Variants in SETBP1 observed in about 807,000 individuals in gnomAD.
SETBP1 encodes the protein SET binding protein 1.
In SETBP1, 9 loss-of-function variants were observed where a neutral mutation model predicts 101.0. The ratio of observed to expected loss-of-function variants is 0.09; its 90% CI spans 0.05 to 0.16. The LOEUF (loss-of-function observed/expected upper bound fraction) is 0.16. Among genes scored for constraint, SETBP1 ranks in the 10% least tolerant of loss-of-function variants. The probability of loss-of-function intolerance (pLI) is 1.00; values close to 1 mark genes in which losing one functional copy is unlikely to be tolerated. For missense variants in SETBP1, 1,858 were observed against 2,033.8 expected (o/e 0.91, Z 1.66); for synonymous variants, 818 against 788.5 (o/e 1.04, Z -0.63).
At chr18:45,020,236 G>A (rs1448251411) in intron 4 of SETBP1, among the ~76,000 whole-genome samples, 2 of 125,168 alleles carry the variant, frequency 1.6e-5, no homozygotes, top group Non-Finnish European at 3.2e-5. Flanking sequence ...CTCTAGCCTG[G>A]TGACAGAGCA....
At chr18:44,725,594 T>C (rs1006809871) in intron 2 of SETBP1, among the ~76,000 whole-genome samples, 1 of 152,198 alleles carries the variant, frequency 6.6e-6, no homozygotes, top group African/African-American at 2.4e-5. Flanking sequence ...CCAGGACCTT[T>C]CCTGAATTAT....
chr18:44,805,428 GT>G (rs2071709233), intron 2 of SETBP1, among the ~76,000 whole-genome samples: 13 of 151,890 alleles, frequency 8.6e-5, no homozygotes, highest in Admixed American at 5.2e-4. Flanking sequence ...GTGTGTGTGT[GT>G]GTGTGGGTGT....
At chr18:44,703,580 G>C (rs1040343620) in intron 2 of SETBP1, among the ~76,000 whole-genome samples, 1 of 151,676 alleles carries the variant, frequency 6.6e-6, no homozygotes, top group Non-Finnish European at 1.5e-5. Context: ...AATCTGTCCT[G>C]GTTTCAAGAC....
intron 2 of SETBP1, among the ~76,000 whole-genome samples, chr18:44,860,863 C>A (rs2068991371): frequency 6.6e-6 from 1 of 152,174 alleles, no homozygotes. Context: ...GTTCAATCCA[C>A]TCCTAGTAGG....
rs565501269 is a variant in SETBP1, at chr18:45,067,664, C to T, written c.*3966C>T. 6.6e-6 allele frequency: 1 copy of T among 152,276 alleles called. No individual in the cohort carries two copies. The highest frequency in any genetic ancestry group is 2.1e-4 in the South Asian group (1 of 4,818). 9.4% of individuals were successfully genotyped at this position (152,276 alleles called of 1,614,324 possible). ...AAACTCGAACTGTAATATATCGTAG[C>T]ATTTTCTTGGTGTTTCTTAAAGTTT... On this transcript the variant is annotated 3_prime_UTR_variant, in exon 6 of 6. Transcript: ENST00000649279.
At chr18:44,923,334 A>C (rs2070624241) in intron 3 of SETBP1, among the ~76,000 whole-genome samples, 1 of 152,260 alleles carries the variant, frequency 6.6e-6, no homozygotes, top group African/African-American at 2.4e-5. Flanking sequence ...TGAGTATTCC[A>C]TAGGCAGGGG....
intron 2 of SETBP1, among the ~76,000 whole-genome samples, chr18:44,792,044 A>G (rs1218269302): frequency 3.3e-5 from 5 of 151,996 alleles, no homozygotes; most frequent in African/African-American, 1.2e-4. Context: ...CCTCTGCTCC[A>G]TTTTCTGTGA....
intron 4 of SETBP1, among the ~76,000 whole-genome samples, chr18:44,961,347 G>GA (rs1219396974): frequency 1.6e-4 from 25 of 152,240 alleles, no homozygotes; most frequent in African/African-American, 5.8e-4. Context: ...GAAGACAACA[G>GA]AAATGTTAAA....
chr18:44,928,267 T>C (rs1158350685), intron 3 of SETBP1, among the ~76,000 whole-genome samples: 3 of 152,254 alleles, frequency 2.0e-5, no homozygotes, highest in Non-Finnish European at 4.4e-5. Flanking sequence ...ACTCATTCTT[T>C]TTTATGGCTG....
intron 2 of SETBP1, among the ~76,000 whole-genome samples, chr18:44,812,715 A>G (rs1056136413): frequency 1.3e-5 from 2 of 152,142 alleles, no homozygotes; most frequent in Non-Finnish European, 2.9e-5. Context: ...GCTTCCTGCC[A>G]ACACCTTGAA....
At chr18:44,714,987 A>T (rs1181081326) in intron 2 of SETBP1, among the ~76,000 whole-genome samples, 2 of 151,770 alleles carry the variant, frequency 1.3e-5, no homozygotes, top group Non-Finnish European at 2.9e-5. Flanking sequence ...TGGGGAAAGG[A>T]CTCTGAGGGT....
At chr18:44,688,742 C>A (rs1265925160) in intron 1 of SETBP1, among the ~76,000 whole-genome samples, 1 of 152,080 alleles carries the variant, frequency 6.6e-6, no homozygotes, top group South Asian at 2.1e-4. Context: ...CATGAGCCAC[C>A]GCGCCTGGCC....
At chr18:44,820,039 G>A (rs1197655517) in intron 2 of SETBP1, among the ~76,000 whole-genome samples, 2 of 152,244 alleles carry the variant, frequency 1.3e-5, no homozygotes, top group African/African-American at 4.8e-5. Flanking sequence ...AGGCTTGCCT[G>A]TCCTGGCAGC....
At chr18:44,742,975 C>T (rs1319432892) in intron 2 of SETBP1, among the ~76,000 whole-genome samples, 3 of 140,320 alleles carry the variant, frequency 2.1e-5, no homozygotes, top group East Asian at 2.0e-4. Context: ...CTCTCTCCCC[C>T]CCTGTCCCGT....
At chr18:44,746,278 A>G (rs1253540369) in intron 2 of SETBP1, among the ~76,000 whole-genome samples, 1 of 152,240 alleles carries the variant, frequency 6.6e-6, no homozygotes, top group Non-Finnish European at 1.5e-5. Flanking sequence ...ATCTGTAATG[A>G]TGCCCACATT....
At position 45,065,517 on chromosome 18, in the gene SETBP1, A is replaced by G. The variant is rs2073955300; in HGVS notation, c.*1819A>G. ...AGAGATGGATTTTTGTTGGCAACAT[A>G]AAAGAATAAGTGATGGGGTATCTAT... On this transcript the variant is annotated 3_prime_UTR_variant, in exon 6 of 6. Coordinates refer to ENST00000649279, the MANE Select transcript of SETBP1 (RefSeq NM_015559.3). 1 of 152,236 alleles carries G rather than the reference A, an allele frequency of 6.6e-6. No homozygotes were observed. The highest frequency in any genetic ancestry group is 1.5e-5 in the Non-Finnish European group (1 of 68,038). The allele number at this position is 152,236 out of a possible 1,614,324, so 9.4% of individuals were successfully genotyped here.
In SETBP1 at chr18:44,950,482, C is replaced by T. The variant is rs1181740819; in HGVS notation, c.1142C>T (p.Ser381Leu). The change falls in exon 4 of 6, where the codon TCA becomes TTA. Residue 381 changes from serine to leucine, a missense_variant. By Grantham distance (145) the Ser-to-Leu change is moderately radical. Coordinates refer to ENST00000649279, the MANE Select transcript of SETBP1 (RefSeq NM_015559.3). ...GYSADSAQEA[S>L]PARQNVSSAS... ...TCCGCAGATAGTGCCCAAGAGGCATCACCAGCCAGGCAGAACGTGAGTTCT... is the reference window on the plus strand; with the variant it reads ...TCCGCAGATAGTGCCCAAGAGGCATTACCAGCCAGGCAGAACGTGAGTTCT... 1.2e-6 allele frequency: 2 copies of T among 1,613,992 alleles called. No homozygotes were observed. Among genetic ancestry groups the T allele is most frequent in the East Asian group, 2.2e-5 (1 of 44,870 alleles).
intron 3 of SETBP1, among the ~76,000 whole-genome samples, chr18:44,877,862 G>A (rs1441056371): frequency 6.6e-6 from 1 of 152,128 alleles, no homozygotes; most frequent in Non-Finnish European, 1.5e-5. Context: ...ATATTCTGAA[G>A]TCTTAATAAG....
chr18:45,006,196 C>T (rs1469869322), intron 4 of SETBP1, among the ~76,000 whole-genome samples: 1 of 152,026 alleles, frequency 6.6e-6, no homozygotes, highest in Non-Finnish European at 1.5e-5. Flanking sequence ...TCATGATCCT[C>T]CCACCTTGGC....
Sources: gnomAD v4.1 joint callset for allele counts (sites outside exome capture counted in the v4.1 genomes callset) on GRCh38, gnomAD v4.1.1 for gene constraint, MANE v1.5 for transcripts, NCBI Gene and HGNC (gene_info 2026-07-23, HGNC 2026-07-21) for gene names.